The following ADAMTSL1 variants were observed in gnomAD, a reference collection of about 807,000 sequenced individuals.
ADAMTSL1 encodes the protein ADAMTS-like protein 1.
ADAMTSL1 carries 126 observed loss-of-function variants against 201.8 expected under a neutral mutation model. That is an observed-to-expected ratio of 0.62 (90% confidence interval 0.54 to 0.72). The LOEUF (loss-of-function observed/expected upper bound fraction) is 0.72, where lower values mean the gene tolerates loss of function less well. Ranked by LOEUF, ADAMTSL1 falls within the 30% of genes least tolerant of loss-of-function variation. The pLI is 0.00. For missense variants in ADAMTSL1, 2,679 were observed against 2,277.8 expected (o/e 1.18, Z -3.59); for synonymous variants, 1,121 against 903.4 (o/e 1.24, Z -4.32).
chr9:18,364,186 C>G (rs989100507), intron 2 of ADAMTSL1, among the ~76,000 whole-genome samples: 9 of 152,094 alleles, frequency 5.9e-5, no homozygotes, highest in Non-Finnish European at 5.9e-5. Context: ...AGTAGGAGGT[C>G]AGAGTGGAGA....
rs186292491 is a variant in ADAMTSL1 at position 18,581,472 on chromosome 9, T to G, written c.474+7206T>G. Among the ~76,000 whole-genome samples, 22 of 152,274 alleles carry G rather than the reference T, an allele frequency of 1.4e-4. No homozygotes were observed. The East Asian group carries it at 3.9e-3, about 27-fold the overall frequency. ...TTACATCCTTCACATGTGACAAATA[T>G]TCACCTGATCCCAATATCCCAAAAG... On this transcript the variant is annotated intron_variant, in intron 4 of 28. Coordinates refer to ENST00000380548, the MANE Select transcript of ADAMTSL1 (RefSeq NM_001040272.6).
chr9:18,342,656 C>G (rs547908695), intron 2 of ADAMTSL1, among the ~76,000 whole-genome samples: 12 of 152,180 alleles, frequency 7.9e-5, no homozygotes, highest in Admixed American at 1.3e-4. Context: ...AGGTGGCCAT[C>G]ATGGCTAGTG....
chr9:18,777,263 G>A lies in ADAMTSL1; in HGVS notation c.3034G>A (p.Gly1012Ser), dbSNP rs778933884. 2.4e-5 allele frequency: 38 copies of A among 1,610,650 alleles called. No homozygotes were observed. The highest frequency in any genetic ancestry group is 3.1e-5 in the Non-Finnish European group (37 of 1,179,000). Residue 1012 changes from glycine (G) to serine (S), a missense_variant, in exon 19 of 29, where the codon GGC (glycine) becomes AGC (serine). By Grantham distance (56) the Gly-to-Ser change is moderately conservative. Transcript: ENST00000380548. Reference protein sequence around the residue: ...FSNGSKAEKRGLAANPGSRYD... With the variant: ...FSNGSKAEKRSLAANPGSRYD... ...CAACGGCAGCAAGGCGGAGAAGCGG[G>A]GCCTGGCCGCCAACCCGGGGAGCCG... is the stretch of plus-strand genomic sequence containing the variant.
At chr9:18,236,652 C>T (rs1563826952) in intron 2 of ADAMTSL1, among the ~76,000 whole-genome samples, 1 of 152,174 alleles carries the variant, frequency 6.6e-6, no homozygotes, top group Non-Finnish European at 1.5e-5. Flanking sequence ...CTATTAAATT[C>T]AGTATCTATT....
intron 3 of ADAMTSL1, among the ~76,000 whole-genome samples, chr9:18,565,462 A>C (rs1821822729): frequency 1.3e-5 from 2 of 152,148 alleles, no homozygotes; most frequent in African/African-American, 4.8e-5. Context: ...AAGTAAAAGA[A>C]ATCTGTAAAC....
intron 2 of ADAMTSL1, among the ~76,000 whole-genome samples, chr9:18,514,551 C>T (rs1003444162): frequency 2.6e-5 from 4 of 151,936 alleles, no homozygotes; most frequent in South Asian, 2.1e-4. Context: ...AGGATGGTCT[C>T]GATCTCCTGA....
intron 25 of ADAMTSL1, 71 bp downstream of exon 25, chr9:18,889,819 G>A: frequency 7.3e-7 from 1 of 1,379,108 alleles, no homozygotes; most frequent in Non-Finnish European, 9.4e-7. Flanking sequence ...GAAGTCAGTG[G>A]CCAGCCCTTC....
chr9:18,845,871 C>T (rs1191851644), intron 23 of ADAMTSL1, among the ~76,000 whole-genome samples: 2 of 152,182 alleles, frequency 1.3e-5, no homozygotes, highest in African/African-American at 4.8e-5. Context: ...AAAGGCAGAG[C>T]TCACAGTGTT....
chr9:18,167,050 A>C (rs1273658619), intron 2 of ADAMTSL1, among the ~76,000 whole-genome samples: 1 of 151,988 alleles, frequency 6.6e-6, no homozygotes, highest in South Asian at 2.1e-4. Context: ...ACAGCAGTCA[A>C]CTAAACTTCC....
At chr9:18,226,710 C>A (rs1174040807) in intron 2 of ADAMTSL1, among the ~76,000 whole-genome samples, 1 of 152,082 alleles carries the variant, frequency 6.6e-6, no homozygotes, top group Non-Finnish European at 1.5e-5. Flanking sequence ...CCCTCCTATT[C>A]CATTTGGTCA....
chr9:18,345,913 C>G (rs1370309733), intron 2 of ADAMTSL1, among the ~76,000 whole-genome samples: 1 of 152,010 alleles, frequency 6.6e-6, no homozygotes, highest in African/African-American at 2.4e-5. Context: ...GAGATCCACT[C>G]AAGGACTGCA....
At chr9:18,133,294 G>A (rs1826023242) in intron 1 of ADAMTSL1, among the ~76,000 whole-genome samples, 1 of 152,136 alleles carries the variant, frequency 6.6e-6, no homozygotes, top group South Asian at 2.1e-4. Context: ...GATCGGCAGT[G>A]AGGGGTCACC....
intron 4 of ADAMTSL1, among the ~76,000 whole-genome samples, chr9:18,613,745 G>C (rs1825530457): frequency 1.3e-5 from 2 of 152,154 alleles, no homozygotes; most frequent in Admixed American, 6.5e-5. Flanking sequence ...TGAAGGGTGA[G>C]AGGAGGGACA....
At chr9:18,525,916 T>G (rs746230650) in intron 2 of ADAMTSL1, among the ~76,000 whole-genome samples, 1 of 152,234 alleles carries the variant, frequency 6.6e-6, no homozygotes, top group Non-Finnish European at 1.5e-5. Context: ...AGAACGTATA[T>G]TCTGTTGATT....
intron 2 of ADAMTSL1, among the ~76,000 whole-genome samples, chr9:18,318,190 A>C (rs2132838244): frequency 6.6e-6 from 1 of 152,292 alleles, no homozygotes; most frequent in Non-Finnish European, 1.5e-5. Context: ...TGCATTGGTG[A>C]GTTCACTGTA....
intron 1 of ADAMTSL1, 54 bp from the exon 2 acceptor site, chr9:18,504,773 CAT>C (rs1823029046): frequency 9.9e-6 from 16 of 1,613,624 alleles, no homozygotes; most frequent in Middle Eastern, 3.3e-4. Context: ...TTTTAGAACA[CAT>C]GTTTCAGGGT....
chr9:18,502,619 G>A (rs901850093), intron 1 of ADAMTSL1, among the ~76,000 whole-genome samples: 2 of 152,156 alleles, frequency 1.3e-5, no homozygotes, highest in African/African-American at 4.8e-5. Flanking sequence ...ACCAGGCTTT[G>A]GAGCTCAATA....
At chr9:18,200,665 C>T (rs1018492572) in intron 2 of ADAMTSL1, among the ~76,000 whole-genome samples, 8 of 151,728 alleles carry the variant, frequency 5.3e-5, no homozygotes, top group Admixed American at 3.3e-4. Flanking sequence ...AACCTTGTGA[C>T]GTATAAAGTA....
chr9:18,539,521 G>T (rs902294754), intron 3 of ADAMTSL1, among the ~76,000 whole-genome samples: 1 of 152,146 alleles, frequency 6.6e-6, no homozygotes, highest in Non-Finnish European at 1.5e-5. Context: ...AGGTTATTTT[G>T]AATATTCAAG....
Sources: gnomAD v4.1 joint callset for allele counts (sites outside exome capture counted in the v4.1 genomes callset) on GRCh38, gnomAD v4.1.1 for gene constraint, MANE v1.5 for transcripts, NCBI Gene and HGNC (gene_info 2026-07-23, HGNC 2026-07-21) for gene names.